Variants in PRCC observed in about 807,000 individuals in gnomAD.
The protein encoded by PRCC is proline-rich protein PRCC.
In PRCC, 10 loss-of-function variants were observed where a neutral mutation model predicts 44.0. That is an observed-to-expected ratio of 0.23 (90% CI 0.14 to 0.39). The LOEUF is 0.39. Among genes scored for constraint, PRCC ranks in the 10% least tolerant of loss-of-function variants. The probability of loss-of-function intolerance (pLI) is 1.00; values close to 1 mark genes in which losing one functional copy is unlikely to be tolerated. For missense variants in PRCC, 573 were observed against 624.7 expected (o/e 0.92, Z 0.88); for synonymous variants, 278 against 259.5 (o/e 1.07, Z -0.69).
intron 1 of PRCC, among the ~76,000 whole-genome samples, chr1:156,776,282 A>C (rs1651824846): frequency 6.6e-6 from 1 of 152,200 alleles, no homozygotes; most frequent in Non-Finnish European, 1.5e-5. Flanking sequence ...AGGCAGGAAG[A>C]TTGCTTGAGC....
intron 1 of PRCC, among the ~76,000 whole-genome samples, chr1:156,773,455 G>A (rs962981347): frequency 8.5e-5 from 13 of 152,302 alleles, no homozygotes; most frequent in African/African-American, 2.9e-4. Flanking sequence ...TCAGGTTCTC[G>A]TGAGGCCAAG....
intron 1 of PRCC, among the ~76,000 whole-genome samples, chr1:156,769,870 G>T (rs1041886918): frequency 6.6e-6 from 1 of 152,048 alleles, no homozygotes; most frequent in Non-Finnish European, 1.5e-5. Flanking sequence ...AAAGTGCTGG[G>T]ATTACAGGCG....
chr1:156,777,323 A>C (rs747221157), intron 1 of PRCC, among the ~76,000 whole-genome samples: 5 of 152,150 alleles, frequency 3.3e-5, no homozygotes, highest in African/African-American at 4.8e-5. Flanking sequence ...ATCCTATTTT[A>C]TCTCTCTGAG....
At position 156,794,805 on chromosome 1, in the gene PRCC, C is replaced by G. The variant is rs1182255417; in HGVS notation, c.1320C>G (p.Ser440Arg). Residue 440 changes from serine to arginine, a missense_variant, in exon 5 of 7, where the codon AGC becomes AGG. Transcript: ENST00000271526. ...AAGAGAAAACCATGAAGTCATTCAGCAAAGTAAGTGGGAAACGTCTATTGA... is the reference window on the plus strand; with the variant it reads ...AAGAGAAAACCATGAAGTCATTCAGGAAAGTAAGTGGGAAACGTCTATTGA... ...LTEEKTMKSF[S>R]KKKGEQPTGQ... is the part of the protein sequence containing the mutation. 6.2e-7 allele frequency: 1 copy of G among 1,614,004 alleles called. No homozygotes were observed. The highest frequency in any genetic ancestry group is 8.5e-7 in the Non-Finnish European group (1 of 1,180,000).
intron 6 of PRCC, among the ~76,000 whole-genome samples, 159 bp downstream of exon 6, chr1:156,797,500 A>G (rs914769925): frequency 2.0e-5 from 3 of 152,214 alleles, no homozygotes; most frequent in Non-Finnish European, 4.4e-5. Flanking sequence ...AGGAGGGGAT[A>G]CATCCTTCAG....
At chr1:156,783,755 A>C (rs77467383) in intron 2 of PRCC, among the ~76,000 whole-genome samples, 4 of 151,948 alleles carry the variant, frequency 2.6e-5, no homozygotes, top group Admixed American at 2.6e-4. Flanking sequence ...AAAAAAACAT[A>C]AAAAAATACA....
chr1:156,786,798 C>A lies in PRCC; in HGVS notation c.707C>A (p.Thr236Lys), dbSNP rs1464243337. 6.2e-7 allele frequency: 1 copy of A among 1,614,254 alleles called. No individual in the cohort carries two copies. The highest frequency in any genetic ancestry group is 1.1e-5 in the South Asian group (1 of 91,086). The change falls in exon 3 of 7, where the codon ACA (threonine) becomes AAA (lysine). Residue 236 changes from threonine (T) to lysine (K), a missense_variant. Around this residue, in one of 4 missense-constraint regions of PRCC, gnomAD observed 118 missense variants for 166.7 expected, o/e 0.71. Transcript: ENST00000271526. ...TCTCTTGCCCCTGTTGTGGGCACCA[C>A]AACCACCACTCCGTCGCCCTCTGCT... ...TSSLAPVVGT[T>K]TTTPSPSAIK...
chr1:156,795,283 G>GTTTTTTTTTTTTTTTTTT, intron 5 of PRCC, among the ~76,000 whole-genome samples: 1 of 36,150 alleles, frequency 2.8e-5, no homozygotes, highest in African/African-American at 9.3e-5. Flanking sequence ...TCATTTTCTG[G>GTTTTTTTTTTTTTTTTTT]TGTTTTTTTT....
chr1:156,768,118 G>T lies in PRCC; in HGVS notation c.347G>T (p.Arg116Leu). ...CTGGGATTGGGGTTGCCCTCGCCCC[G>T]AGGCCCTGGCCTCAATCTGCCCCCT... ...EGLGLGLPSP[R>L]GPGLNLPPPI... is the part of the protein sequence containing the mutation. The change falls in exon 1 of 7, where the codon CGA (arginine) becomes CTA (leucine). Residue 116 changes from arginine to leucine, a missense_variant. This residue lies in a region of PRCC where 245 missense variants were observed against 188.5 expected (regional missense o/e 1.30). Transcript: ENST00000271526. 1 of 1,576,444 alleles carries T rather than the reference G, an allele frequency of 6.3e-7. No homozygotes were observed. Among genetic ancestry groups the T allele is most frequent in the Non-Finnish European group, 8.6e-7 (1 of 1,160,770 alleles).
intron 6 of PRCC, among the ~76,000 whole-genome samples, chr1:156,797,941 A>T (rs1652714941): frequency 6.7e-6 from 1 of 149,930 alleles, no homozygotes; most frequent in East Asian, 2.0e-4. Flanking sequence ...TGCGTATAAC[A>T]TTTTTTTTTT....
intron 2 of PRCC, among the ~76,000 whole-genome samples, chr1:156,785,757 T>G (rs60699765): frequency 0.022 from 3,406 of 151,712 alleles, 146 homozygotes; most frequent in African/African-American, 0.078. Flanking sequence ...TAGGCGTCAT[T>G]AGCGCTGCTG....
At chr1:156,790,537 C>T (rs979447717) in intron 3 of PRCC, among the ~76,000 whole-genome samples, 8 of 152,184 alleles carry the variant, frequency 5.3e-5, no homozygotes, top group Non-Finnish European at 1.0e-4. Context: ...ACAGGAGAAT[C>T]GCTTGAACCC....
At chr1:156,789,378 G>C (rs1652399781) in intron 3 of PRCC, among the ~76,000 whole-genome samples, 1 of 152,226 alleles carries the variant, frequency 6.6e-6, no homozygotes, top group South Asian at 2.1e-4. Context: ...TGATGTCGGA[G>C]CTGGTGAGAG....
intron 1 of PRCC, among the ~76,000 whole-genome samples, chr1:156,776,468 G>GT (rs201085654): frequency 0.2 from 29,592 of 148,330 alleles, 3,369 homozygotes; most frequent in Non-Finnish European, 0.27. Flanking sequence ...CTTTATAGAG[G>GT]TTTTTTTTTT....
rs184307459 is a variant in PRCC, at chr1:156,779,825, T to C, written c.469-2457T>C. ...TTGAACTCCTGGCCTCAAGTGATTC[T>C]CCAATTTTGGAGTGCTAGGAAGTGC... On this transcript the variant is annotated intron_variant, in intron 1 of 6. Transcript: ENST00000271526. Among the ~76,000 whole-genome samples, 23 of 152,086 alleles carry C rather than the reference T, an allele frequency of 1.5e-4. No homozygotes were observed. The East Asian group carries it at 4.1e-3, about 27-fold the overall frequency.
chr1:156,790,082 T>G (rs1014819868), intron 3 of PRCC, among the ~76,000 whole-genome samples: 2 of 152,248 alleles, frequency 1.3e-5, no homozygotes. Flanking sequence ...CTTCAGCAAG[T>G]TTAAAAACTG....
chr1:156,769,834 T>C (rs1243395535), intron 1 of PRCC, among the ~76,000 whole-genome samples: 1 of 152,118 alleles, frequency 6.6e-6, no homozygotes, highest in Non-Finnish European at 1.5e-5. Flanking sequence ...TCTCCTGACC[T>C]CGTGATCCAC....
chr1:156,779,779 A>C (rs1651984551), intron 1 of PRCC, among the ~76,000 whole-genome samples: 1 of 151,514 alleles, frequency 6.6e-6, no homozygotes. Context: ...GGGGGGTCTC[A>C]CTATGTTGAC....
In PRCC at chr1:156,767,828, C is replaced by G. The variant is rs776208790; in HGVS notation, c.57C>G (p.Pro19=). The change falls in exon 1 of 7, where the codon CCC becomes CCG. Residue 19 remains proline, a synonymous_variant. Transcript: ENST00000271526. The part of the protein sequence containing the change: ...SDESEPDEAE[P]EPEEEEAVAP... ...AGAGCGAGCCGGATGAGGCTGAGCC[C>G]GAGCCGGAGGAAGAGGAGGCGGTGG... 1 of 1,610,344 alleles carries G rather than the reference C, an allele frequency of 6.2e-7. No individual in the cohort carries two copies. Among genetic ancestry groups the G allele is most frequent in the Admixed American group, 1.7e-5 (1 of 59,752 alleles).
Sources: gnomAD v4.1 joint callset for allele counts (sites outside exome capture counted in the v4.1 genomes callset) on GRCh38, gnomAD v4.1.1 for gene constraint, gnomAD v4.1.1 regional missense constraint, MANE v1.5 for transcripts, NCBI Gene and HGNC (gene_info 2026-07-23, HGNC 2026-07-21) for gene names.